Variants in C10orf90 observed in about 807,000 individuals in gnomAD.
The protein encoded by C10orf90 is chromosome 10 open reading frame 90, also known as (E2-independent) E3 ubiquitin-conjugating enzyme FATS.
Under a neutral mutation model 62.5 loss-of-function variants are expected in C10orf90, and 56 were observed. That is an observed-to-expected ratio of 0.90 (90% CI 0.72 to 1.12). The LOEUF is 1.12. Ranked by LOEUF, C10orf90 falls within the 50% of genes most tolerant of loss-of-function variation. The pLI is 0.00. For missense variants in C10orf90, 970 were observed against 880.4 expected, an observed-to-expected ratio of 1.10 and a Z score of -1.29; for synonymous variants, 386 against 340.4, an observed-to-expected ratio of 1.13 and a Z score of -1.47.
intron 2 of C10orf90, chr10:126,524,973 G>T: frequency 1.6e-6 from 1 of 606,972 alleles, no homozygotes; most frequent in Non-Finnish European, 2.1e-6. Flanking sequence ...ATTTCAGAGG[G>T]GACCATTTCT....
At chr10:126,435,366 G>A (rs1346016582) in intron 7 of C10orf90, among the ~76,000 whole-genome samples, 1 of 152,168 alleles carries the variant, frequency 6.6e-6, no homozygotes, top group Non-Finnish European at 1.5e-5. Context: ...CCTGGTTAAG[G>A]AAGGTAGATC....
At chr10:126,646,455 A>G (rs183712975) in intron 2 of C10orf90, 110 bp downstream of exon 2, 68 of 262,196 alleles carry the variant, frequency 2.6e-4, no homozygotes, top group African/African-American at 1.5e-3. Flanking sequence ...TTTGGGGGAA[A>G]ACTAGGCTCA....
At chr10:126,631,935 G>A (rs1209950828) in intron 2 of C10orf90, among the ~76,000 whole-genome samples, 1 of 152,032 alleles carries the variant, frequency 6.6e-6, no homozygotes, top group Non-Finnish European at 1.5e-5. Flanking sequence ...CTGACACAGG[G>A]GACCAGACAC....
chr10:126,668,237 C>T (rs548193406), intron 1 of C10orf90, among the ~76,000 whole-genome samples: 1 of 152,202 alleles, frequency 6.6e-6, no homozygotes, highest in African/African-American at 2.4e-5. Context: ...TGCCAGATAA[C>T]CAGCCAGTTT....
intron 2 of C10orf90, among the ~76,000 whole-genome samples, chr10:126,623,704 G>T (rs543867496): frequency 3.9e-5 from 6 of 152,068 alleles, no homozygotes; most frequent in East Asian, 3.9e-4. Flanking sequence ...TAGTCAGGGT[G>T]GTGGTGGGCG....
At chr10:126,586,856 AC>A (rs1024057384) in intron 2 of C10orf90, among the ~76,000 whole-genome samples, 40 of 151,786 alleles carry the variant, frequency 2.6e-4, no homozygotes, top group Non-Finnish European at 5.4e-4. Context: ...TGCTCCCCGC[AC>A]CCCCCAGCCT....
intron 7 of C10orf90, among the ~76,000 whole-genome samples, chr10:126,430,460 A>G (rs943704033): frequency 1.4e-4 from 21 of 152,318 alleles, no homozygotes; most frequent in African/African-American, 4.6e-4. Flanking sequence ...TTCTAAGTAC[A>G]TATTCATAAT....
intron 4 of C10orf90, chr10:126,502,955 TA>T (rs1237716862): frequency 3.2e-6 from 1 of 309,836 alleles, no homozygotes; most frequent in Non-Finnish European, 6.4e-6. Context: ...TTACATCATT[TA>T]ACATTTCTAT....
intron 2 of C10orf90, among the ~76,000 whole-genome samples, chr10:126,574,327 C>T (rs1349116707): frequency 1.3e-5 from 2 of 151,686 alleles, no homozygotes; most frequent in Admixed American, 6.6e-5. Flanking sequence ...TAAGGAAAAA[C>T]AAAGGAAAAA....
At chr10:126,530,342 G>A (rs531883298) in intron 2 of C10orf90, among the ~76,000 whole-genome samples, 2 of 151,230 alleles carry the variant, frequency 1.3e-5, no homozygotes, top group Non-Finnish European at 2.9e-5. Context: ...AAACAAATCA[G>A]TCAAGAAAAA....
intron 2 of C10orf90, among the ~76,000 whole-genome samples, chr10:126,592,333 T>C (rs1210580506): frequency 6.6e-6 from 1 of 152,136 alleles, no homozygotes; most frequent in Non-Finnish European, 1.5e-5. Flanking sequence ...ATGGTACTGG[T>C]ACAAAAACAG....
At chr10:126,664,427 C>T (rs903902954) in intron 1 of C10orf90, among the ~76,000 whole-genome samples, 2 of 152,070 alleles carry the variant, frequency 1.3e-5, no homozygotes, top group Admixed American at 6.6e-5. Flanking sequence ...TCTTGTAATG[C>T]CCCCAGCAAC....
At chr10:126,662,257 G>A (rs564764199) in intron 1 of C10orf90, among the ~76,000 whole-genome samples, 3 of 152,258 alleles carry the variant, frequency 2.0e-5, no homozygotes, top group South Asian at 2.1e-4. Context: ...GGGGCTCTAC[G>A]TGATTTTCCC....
At chr10:126,434,591 A>G (rs1445038898) in intron 7 of C10orf90, among the ~76,000 whole-genome samples, 1 of 152,346 alleles carries the variant, frequency 6.6e-6, no homozygotes, top group East Asian at 1.9e-4. Context: ...GTTGGAGAGA[A>G]TTCAGCAGGG....
chr10:126,480,999 TCTCTGCCC>T (rs1348859182), intron 4 of C10orf90, among the ~76,000 whole-genome samples: 2 of 110,432 alleles, frequency 1.8e-5, no homozygotes, highest in African/African-American at 6.8e-5. Flanking sequence ...AGGTGTCCCC[TCTCTGCCC>T]CTCTGCTCTG....
intron 7 of C10orf90, among the ~76,000 whole-genome samples, chr10:126,457,581 C>G (rs1859667056): frequency 6.6e-6 from 1 of 152,212 alleles, no homozygotes. Context: ...GTATGTGAGT[C>G]TTGAGCTCTA....
At chr10:126,625,831 T>G (rs1240552969) in intron 2 of C10orf90, among the ~76,000 whole-genome samples, 2 of 152,062 alleles carry the variant, frequency 1.3e-5, no homozygotes, top group Admixed American at 1.3e-4. Flanking sequence ...TGTGGGCAGG[T>G]GGGCTGGGCG....
Position 126,647,125 on chromosome 10 carries a change from G to C in C10orf90, c.241-488C>G, listed in dbSNP as rs1846187713. 3.3e-5 allele frequency among the ~76,000 whole-genome samples: 5 copies of C among 152,202 alleles called. No individual in the cohort carries two copies. The South Asian group carries it at 1.0e-3, about 32-fold the overall frequency. On this transcript the variant is annotated intron_variant, in intron 1 of 9. Transcript: ENST00000488181. ...TGTTGTCTTCAGGTATGACTGTTTTGCTGACTTTTTCTGCCAAAAGGTAAA... is the reference window on the plus strand; with the variant it reads ...TGTTGTCTTCAGGTATGACTGTTTTCCTGACTTTTTCTGCCAAAAGGTAAA...
At chr10:126,500,157 G>A (rs183860616) in intron 4 of C10orf90, among the ~76,000 whole-genome samples, 24 of 152,174 alleles carry the variant, frequency 1.6e-4, no homozygotes, top group Admixed American at 1.2e-3. Flanking sequence ...ATAGTCTACC[G>A]GGGTAACTGG....
Sources: gnomAD v4.1 joint callset for allele counts (sites outside exome capture counted in the v4.1 genomes callset) on GRCh38, gnomAD v4.1.1 for gene constraint, MANE v1.5 for transcripts, NCBI Gene and HGNC (gene_info 2026-07-23, HGNC 2026-07-21) for gene names.